The following ZFHX3 variants were observed in gnomAD, a reference collection of about 807,000 sequenced individuals.
ZFHX3 encodes zinc finger homeobox protein 3.
ZFHX3 carries 42 observed loss-of-function variants against 279.1 expected under a neutral mutation model. The observed-to-expected ratio is 0.15, with a 90% CI of 0.12 to 0.19. The LOEUF is 0.19. Among genes scored for constraint, ZFHX3 ranks in the 10% least tolerant of loss-of-function variants. ZFHX3 has a pLI of 1.00. For synonymous variants in ZFHX3, 2,293 were observed against 1,957.8 expected (o/e 1.17, Z -4.52); for missense variants, 4,981 against 4,754.0 (o/e 1.05, Z -1.40).
At chr16:73,001,521 A>C (rs1336596534) in intron 1 of ZFHX3, among the ~76,000 whole-genome samples, 2 of 152,164 alleles carry the variant, frequency 1.3e-5, no homozygotes, top group African/African-American at 2.4e-5. Flanking sequence ...AAATGAAAAG[A>C]TATAATGGAG....
chr16:72,827,187 G>C (rs2036953571), intron 5 of ZFHX3, among the ~76,000 whole-genome samples: 2 of 152,116 alleles, frequency 1.3e-5, no homozygotes, highest in Admixed American at 1.3e-4. Context: ...TTCTCCCTCA[G>C]CTCAAAATTC....
intron 1 of ZFHX3, among the ~76,000 whole-genome samples, chr16:73,835,686 G>A (rs1465388239): frequency 6.6e-6 from 1 of 151,882 alleles, no homozygotes; most frequent in South Asian, 2.1e-4. Context: ...GGTCAGGCTT[G>A]TGTTGAACTC....
intron 2 of ZFHX3, among the ~76,000 whole-genome samples, chr16:73,576,881 C>G (rs918927889): frequency 6.6e-6 from 1 of 152,176 alleles, no homozygotes; most frequent in African/African-American, 2.4e-5. Context: ...TCCTCCCACC[C>G]TCCACGCTCA....
chr16:73,353,804 T>C (rs746000727), intron 3 of ZFHX3, among the ~76,000 whole-genome samples: 8 of 152,156 alleles, frequency 5.3e-5, no homozygotes, highest in South Asian at 2.1e-4. Flanking sequence ...CAGGAGGAGA[T>C]AGGAAAAAGA....
chr16:72,912,269 CT>C (rs758543398), intron 3 of ZFHX3, among the ~76,000 whole-genome samples: 2 of 152,144 alleles, frequency 1.3e-5, no homozygotes, highest in African/African-American at 2.4e-5. Context: ...CATTAATTAT[CT>C]TGAAAGGAGA....
At position 73,470,955 on chromosome 16, in the gene ZFHX3, T is replaced by C. The variant is rs1305559695; in HGVS notation, c.-1546-14697A>G. ...TATTCTCAGAAGGCAAAGAAGTGAATGTGAGCATCTCACTAAGAAGAACAG... is the reference window on the plus strand; with the variant it reads ...TATTCTCAGAAGGCAAAGAAGTGAACGTGAGCATCTCACTAAGAAGAACAG... On this transcript the variant is annotated intron_variant, in intron 2 of 17. Coordinates refer to the ZFHX3 transcript ENST00000641206. 4.6e-5 allele frequency among the ~76,000 whole-genome samples: 7 copies of C among 152,364 alleles called. No homozygotes were observed. The East Asian group carries it at 1.2e-3, about 25-fold the overall frequency.
chr16:73,694,242 G>A (rs2053174969), intron 1 of ZFHX3, among the ~76,000 whole-genome samples: 1 of 152,150 alleles, frequency 6.6e-6, no homozygotes, highest in Non-Finnish European at 1.5e-5. Flanking sequence ...AGAATCGCTT[G>A]AACTGGGGAG....
chr16:73,508,832 G>A (rs1445358332), intron 2 of ZFHX3, among the ~76,000 whole-genome samples: 1 of 152,202 alleles, frequency 6.6e-6, no homozygotes, highest in African/African-American at 2.4e-5. Flanking sequence ...TTTGTCAAAG[G>A]AGGCTGTGTC....
chr16:73,308,318 C>G (rs1457591071), intron 4 of ZFHX3, among the ~76,000 whole-genome samples: 2 of 136,340 alleles, frequency 1.5e-5, no homozygotes, highest in East Asian at 4.2e-4. Flanking sequence ...ACTCTTGTCA[C>G]CCAGGCTGGA....
At chr16:73,049,339 T>C (rs1408988770), upstream of ZFHX3, among the ~76,000 whole-genome samples, 1 of 152,176 alleles carries the variant, frequency 6.6e-6, no homozygotes, top group African/African-American at 2.4e-5. Flanking sequence ...GGCACAATAA[T>C]GAACCATGCA....
At chr16:73,416,922 A>C (rs952194567) in intron 3 of ZFHX3, among the ~76,000 whole-genome samples, 1 of 152,064 alleles carries the variant, frequency 6.6e-6, no homozygotes, top group Non-Finnish European at 1.5e-5. Flanking sequence ...CATCATCTCA[A>C]CGTACCTCCC....
chr16:72,865,797 TCTGTGGGG>T, intron 4 of ZFHX3, among the ~76,000 whole-genome samples: 1 of 152,112 alleles, frequency 6.6e-6, no homozygotes, highest in African/African-American at 2.4e-5. Context: ...AGAGAAGCCC[TCTGTGGGG>T]CTGTGTGCCC....
chr16:72,989,002 C>A (rs180963492), intron 1 of ZFHX3, among the ~76,000 whole-genome samples: 45 of 151,622 alleles, frequency 3.0e-4, no homozygotes, highest in Admixed American at 2.0e-3. Flanking sequence ...ATAGGGAGAC[C>A]CCATCTCTAC....
intron 3 of ZFHX3, among the ~76,000 whole-genome samples, chr16:73,334,349 G>A (rs1169558790): frequency 6.6e-6 from 1 of 152,162 alleles, no homozygotes; most frequent in Non-Finnish European, 1.5e-5. Flanking sequence ...GGTTAAGGAG[G>A]AAGGGGATGT....
At chr16:73,299,764 T>G (rs2015008520) in intron 4 of ZFHX3, among the ~76,000 whole-genome samples, 2 of 152,172 alleles carry the variant, frequency 1.3e-5, no homozygotes, top group African/African-American at 4.8e-5. Flanking sequence ...CTACCATGTT[T>G]GCAGGATTTG....
rs1024029782 is a variant in ZFHX3, at chr16:73,390,769, T to C, written c.-1291+65234A>G. Among the ~76,000 whole-genome samples, 4 of 152,118 alleles carry C rather than the reference T, an allele frequency of 2.6e-5. 1 individual carries two copies. Among genetic ancestry groups the C allele is most frequent in the South Asian group, 4.2e-4 (2 of 4,808 alleles). On this transcript the variant is annotated intron_variant, in intron 3 of 17. Transcript: ENST00000641206. ...TTTCATCAATGAAAGGAGATCTTTC[T>C]TATTATTTAAAAATTTGCTTCTCCA...
Position 73,484,756 on chromosome 16 carries a change from C to T in ZFHX3, c.-1546-28498G>A, listed in dbSNP as rs1198877062. On this transcript the variant is annotated intron_variant, in intron 2 of 17. Transcript: ENST00000641206. ...GTTGGTTTGGCCAGAGGAACACCTT[C>T]GATGAGAAGGGGCTCTCTGGAAATA... 2.6e-5 allele frequency among the ~76,000 whole-genome samples: 4 copies of T among 152,182 alleles called. No homozygotes were observed. The South Asian group carries it at 6.2e-4, about 24-fold the overall frequency.
chr16:73,761,241 C>CAA (rs201805512), intron 1 of ZFHX3, among the ~76,000 whole-genome samples: 1 of 149,482 alleles, frequency 6.7e-6, no homozygotes, highest in Non-Finnish European at 1.5e-5. Context: ...ATAATTGCTA[C>CAA]AAAAAAAAAT....
chr16:72,916,181 C>G (rs948323455), intron 3 of ZFHX3, among the ~76,000 whole-genome samples: 5 of 152,214 alleles, frequency 3.3e-5, no homozygotes, highest in Admixed American at 1.3e-4. Flanking sequence ...CTTCCCCCCC[C>G]TCCTCCGCCT....
Sources: gnomAD v4.1 joint callset for allele counts (sites outside exome capture counted in the v4.1 genomes callset) on GRCh38, gnomAD v4.1.1 for gene constraint, MANE v1.5 for transcripts, NCBI Gene and HGNC (gene_info 2026-07-23, HGNC 2026-07-21) for gene names.